Variants in LRP1B observed in about 807,000 individuals in gnomAD.
The protein encoded by LRP1B is low-density lipoprotein receptor-related protein 1B.
Under a neutral mutation model 556.6 loss-of-function variants are expected in LRP1B, and 217 were observed. The observed-to-expected ratio is 0.39, with a 90% CI of 0.35 to 0.44. LRP1B has a LOEUF of 0.44. Among genes scored for constraint, LRP1B ranks in the 20% least tolerant of loss-of-function variants. The pLI, the probability that LRP1B is intolerant of heterozygous loss-of-function variation, is 1.00. For missense variants in LRP1B, 5,053 were observed against 5,620.8 expected, an observed-to-expected ratio of 0.90 and a Z score of 3.23; for synonymous variants, 2,047 against 1,865.8, an observed-to-expected ratio of 1.10 and a Z score of -2.50.
chr2:140,272,993 T>C (rs1439066522), intron 85 of LRP1B, among the ~76,000 whole-genome samples: 1 of 151,926 alleles, frequency 6.6e-6, no homozygotes, highest in East Asian at 1.9e-4. Context: ...AGAAGGGACT[T>C]TTGACTGTAT....
intron 31 of LRP1B, among the ~76,000 whole-genome samples, chr2:140,819,964 C>A (rs1158444131): frequency 6.6e-6 from 1 of 152,120 alleles, no homozygotes; most frequent in African/African-American, 2.4e-5. Context: ...GAAGTAAAAA[C>A]TAATCTTCAC....
intron 3 of LRP1B, among the ~76,000 whole-genome samples, chr2:141,305,858 C>T (rs1298571766): frequency 6.6e-6 from 1 of 152,082 alleles, no homozygotes; most frequent in Non-Finnish European, 1.5e-5. Context: ...ATAGTTTTTG[C>T]CCTTCATTCT....
At chr2:141,268,493 T>C (rs1315421565) in intron 3 of LRP1B, among the ~76,000 whole-genome samples, 1 of 152,122 alleles carries the variant, frequency 6.6e-6, no homozygotes, top group South Asian at 2.1e-4. Context: ...GGGGACAGTA[T>C]TAAAATAAAT....
At chr2:141,272,764 A>G (rs1051129902) in intron 3 of LRP1B, among the ~76,000 whole-genome samples, 4 of 152,214 alleles carry the variant, frequency 2.6e-5, no homozygotes, top group East Asian at 3.8e-4. Context: ...TCAGAAAAAA[A>G]TACAACAATT....
intron 7 of LRP1B, among the ~76,000 whole-genome samples, chr2:141,157,549 T>A (rs76120219): frequency 0.011 from 1,715 of 152,062 alleles, 16 homozygotes; most frequent in Non-Finnish European, 0.017. Context: ...TCGTACAATA[T>A]AAAAAATTTA....
intron 7 of LRP1B, among the ~76,000 whole-genome samples, chr2:141,186,308 G>A (rs1681257774): frequency 6.7e-6 from 1 of 148,414 alleles, no homozygotes; most frequent in African/African-American, 2.4e-5. Context: ...AGGAATTTTA[G>A]GCGCAGAACA....
intron 1 of LRP1B, among the ~76,000 whole-genome samples, chr2:142,079,398 T>A (rs1705629527): frequency 6.6e-6 from 1 of 152,202 alleles, no homozygotes. Context: ...TCTCTTTATC[T>A]TGAAATCTCA....
At chr2:140,342,325 T>TCA (rs1219444668) in intron 77 of LRP1B, among the ~76,000 whole-genome samples, 2 of 151,386 alleles carry the variant, frequency 1.3e-5, no homozygotes, top group Non-Finnish European at 3.0e-5. Flanking sequence ...TATTTACTAT[T>TCA]CAGTGAAGGC....
At chr2:140,433,142 C>T (rs144888236) in intron 66 of LRP1B, among the ~76,000 whole-genome samples, 1,967 of 152,168 alleles carry the variant, frequency 0.013, 47 homozygotes, top group African/African-American at 0.045. Context: ...TCTGTTGCCC[C>T]GGCTGGAGTG....
chr2:140,958,272 G>A (rs1695933441), intron 18 of LRP1B, among the ~76,000 whole-genome samples: 1 of 151,502 alleles, frequency 6.6e-6, no homozygotes, highest in African/African-American at 2.4e-5. Context: ...AAATCTGATA[G>A]GGAATATAAA....
intron 2 of LRP1B, among the ~76,000 whole-genome samples, chr2:141,610,948 C>A (rs1688087612): frequency 1.3e-5 from 2 of 152,132 alleles, no homozygotes; most frequent in Non-Finnish European, 2.9e-5. Context: ...CAGTAAGCTG[C>A]AGCATTAGCA....
At chr2:141,134,810 T>A (rs1317681580) in intron 7 of LRP1B, among the ~76,000 whole-genome samples, 1 of 151,672 alleles carries the variant, frequency 6.6e-6, no homozygotes, top group Non-Finnish European at 1.5e-5. Context: ...GATTTCATAG[T>A]CACATTTTAT....
At chr2:141,657,080 A>G (rs1690040118) in intron 2 of LRP1B, among the ~76,000 whole-genome samples, 1 of 152,120 alleles carries the variant, frequency 6.6e-6, no homozygotes, top group Admixed American at 6.5e-5. Context: ...GAATTTACAA[A>G]GCAGTTTTTT....
intron 2 of LRP1B, among the ~76,000 whole-genome samples, chr2:141,558,401 C>A (rs576634934): frequency 6.6e-6 from 1 of 151,482 alleles, no homozygotes; most frequent in Non-Finnish European, 1.5e-5. Flanking sequence ...CTACACAGTA[C>A]CTAAAGAGTT....
chr2:140,958,106 C>T (rs1026157067), intron 18 of LRP1B, among the ~76,000 whole-genome samples: 1 of 151,198 alleles, frequency 6.6e-6, no homozygotes, highest in African/African-American at 2.4e-5. Context: ...CTAAAATTTC[C>T]ACATGGGACA....
At chr2:140,353,365 T>C (rs895266870) in intron 75 of LRP1B, among the ~76,000 whole-genome samples, 2 of 152,090 alleles carry the variant, frequency 1.3e-5, no homozygotes, top group African/African-American at 4.8e-5. Flanking sequence ...AATTTTTACT[T>C]ATTTATTTTT....
chr2:140,932,203 C>A (rs1469608511), intron 20 of LRP1B, among the ~76,000 whole-genome samples: 2 of 152,008 alleles, frequency 1.3e-5, no homozygotes, highest in African/African-American at 4.8e-5. Context: ...CCTTTCTTCT[C>A]CCTTTTGCCT....
intron 79 of LRP1B, among the ~76,000 whole-genome samples, chr2:140,328,539 A>AGGACTT (rs1196949963): frequency 1.3e-5 from 2 of 152,042 alleles, no homozygotes; most frequent in Non-Finnish European, 2.9e-5. Flanking sequence ...ATTAAGAGGC[A>AGGACTT]GGACTTGGAG....
At chr2:140,955,832 G>GCT (rs976239057) in intron 18 of LRP1B, among the ~76,000 whole-genome samples, 3 of 151,540 alleles carry the variant, frequency 2.0e-5, no homozygotes, top group Admixed American at 1.3e-4. Flanking sequence ...TCTAATTCAG[G>GCT]CTTCTTTCCT....
Sources: allele counts gnomAD v4.1 joint callset (sites outside exome capture counted in the v4.1 genomes callset), GRCh38; gene constraint gnomAD v4.1.1; transcripts MANE v1.5; gene names NCBI Gene and HGNC (gene_info 2026-07-23, HGNC 2026-07-21).